LDLRAD4: variants seen among roughly 807,000 people sequenced by gnomAD.
LDLRAD4 encodes low density lipoprotein receptor class A domain containing 4.
A neutral mutation model predicts 17.0 loss-of-function variants in LDLRAD4; 5 were observed. That is an observed-to-expected ratio of 0.29 (90% CI 0.15 to 0.62). The LOEUF is 0.62. Ranked by LOEUF, LDLRAD4 falls within the 20% of genes least tolerant of loss-of-function variation. LDLRAD4 has a pLI of 0.84. For missense variants in LDLRAD4, 340 were observed against 424.7 expected (o/e 0.80, Z 1.75); for synonymous variants, 168 against 171.8 (o/e 0.98, Z 0.17).
intron 1 of LDLRAD4, among the ~76,000 whole-genome samples, chr18:13,346,537 A>C (rs2082699395): frequency 6.6e-6 from 1 of 151,934 alleles, no homozygotes; most frequent in African/African-American, 2.4e-5. Flanking sequence ...GTGGTGCTGA[A>C]AAGAATGTAT....
At chr18:13,453,812 G>C (rs1189314311) in intron 3 of LDLRAD4, among the ~76,000 whole-genome samples, 3 of 152,196 alleles carry the variant, frequency 2.0e-5, no homozygotes, top group Non-Finnish European at 4.4e-5. Context: ...CCCGTCCCCA[G>C]TACTGCTGTG....
intron 1 of LDLRAD4, among the ~76,000 whole-genome samples, chr18:13,248,791 A>G (rs1300182016): frequency 6.6e-6 from 1 of 152,182 alleles, no homozygotes; most frequent in Non-Finnish European, 1.5e-5. Flanking sequence ...GCTAATTGAA[A>G]TTGTATATTA....
chr18:13,527,701 T>G (rs1176519424), intron 3 of LDLRAD4, among the ~76,000 whole-genome samples: 3 of 151,740 alleles, frequency 2.0e-5, no homozygotes, highest in African/African-American at 7.3e-5. Flanking sequence ...CGAGGCAGAG[T>G]GTGAGAGCAA....
intron 3 of LDLRAD4, chr18:13,521,238 T>C (rs2093948794): frequency 6.6e-6 from 1 of 152,234 alleles, no homozygotes; most frequent in African/African-American, 2.4e-5. Flanking sequence ...TATGAGGACC[T>C]GAACACTTGG....
chr18:13,565,963 C>G (rs2094595759), intron 3 of LDLRAD4, among the ~76,000 whole-genome samples: 1 of 152,248 alleles, frequency 6.6e-6, no homozygotes, highest in African/African-American at 2.4e-5. Flanking sequence ...CGAGCTGCTG[C>G]TCCAAGGCAC....
At chr18:13,231,377 G>T (rs1248652818) in intron 1 of LDLRAD4, among the ~76,000 whole-genome samples, 1 of 152,296 alleles carries the variant, frequency 6.6e-6, no homozygotes, top group South Asian at 2.1e-4. Flanking sequence ...TGAGCATGTC[G>T]GGTGGCCCTT....
chr18:13,431,091 G>T (rs187810757), intron 2 of LDLRAD4, among the ~76,000 whole-genome samples: 1 of 152,094 alleles, frequency 6.6e-6, no homozygotes, highest in Admixed American at 6.5e-5. Context: ...GGTTTTCAGA[G>T]ATTTTCCCTG....
chr18:13,466,825 G>C (rs925723098), intron 3 of LDLRAD4, among the ~76,000 whole-genome samples: 3 of 152,136 alleles, frequency 2.0e-5, no homozygotes, highest in Admixed American at 1.3e-4. Flanking sequence ...GAACATTCTT[G>C]TTATATCTTC....
At chr18:13,328,265 C>T (rs1034890427) in intron 1 of LDLRAD4, among the ~76,000 whole-genome samples, 28 of 152,260 alleles carry the variant, frequency 1.8e-4, no homozygotes, top group African/African-American at 6.8e-4. Flanking sequence ...ATCCTTGGAT[C>T]ATGCTCATGC....
chr18:13,384,998 C>T (rs976198498), intron 1 of LDLRAD4, among the ~76,000 whole-genome samples: 2 of 152,216 alleles, frequency 1.3e-5, no homozygotes, highest in East Asian at 1.9e-4. Context: ...TGGATATGTA[C>T]TCAGCAGTGG....
chr18:13,568,469 G>A (rs1486650997), intron 3 of LDLRAD4, among the ~76,000 whole-genome samples: 1 of 152,124 alleles, frequency 6.6e-6, no homozygotes, highest in African/African-American at 2.4e-5. Context: ...CTCCAGCCAG[G>A]ACACTCACAC....
chr18:13,429,593 C>A (rs1057270924), intron 2 of LDLRAD4, among the ~76,000 whole-genome samples: 1 of 152,230 alleles, frequency 6.6e-6, no homozygotes, highest in Non-Finnish European at 1.5e-5. Flanking sequence ...TTTTCAAAAT[C>A]CCTGTCTTAA....
chr18:13,298,439 C>T (rs1307292766), intron 1 of LDLRAD4, among the ~76,000 whole-genome samples: 1 of 135,450 alleles, frequency 7.4e-6, no homozygotes, highest in Non-Finnish European at 1.6e-5. Flanking sequence ...TGGAGCTGCT[C>T]CGGGCACGGC....
intron 3 of LDLRAD4, among the ~76,000 whole-genome samples, chr18:13,594,289 T>C (rs1000367093): frequency 7.2e-5 from 11 of 152,168 alleles, no homozygotes; most frequent in African/African-American, 2.7e-4. Context: ...TGCCACTGTC[T>C]GCCACTGTAG....
chr18:13,641,699 C>G, intron 4 of LDLRAD4: 1 of 962,808 alleles, frequency 1.0e-6, no homozygotes, highest in Non-Finnish European at 1.2e-6. Context: ...TCCGGGCTGG[C>G]GGGGCCGCCA....
chr18:13,451,360 A>G (rs2091825783), intron 3 of LDLRAD4, among the ~76,000 whole-genome samples: 1 of 152,024 alleles, frequency 6.6e-6, no homozygotes, highest in Non-Finnish European at 1.5e-5. Context: ...AGTTCTCACA[A>G]GGTCTGGTTG....
At chr18:13,327,912 T>C (rs2081621683) in intron 1 of LDLRAD4, among the ~76,000 whole-genome samples, 1 of 151,898 alleles carries the variant, frequency 6.6e-6, no homozygotes, top group African/African-American at 2.4e-5. Context: ...AATCCTAAGC[T>C]CCCAGCCAAA....
intron 3 of LDLRAD4, among the ~76,000 whole-genome samples, chr18:13,474,291 G>A (rs1016812337): frequency 2.0e-5 from 3 of 152,082 alleles, no homozygotes; most frequent in Non-Finnish European, 4.4e-5. Context: ...TAATACAGCC[G>A]CTAAGCCGTG....
intron 3 of LDLRAD4, among the ~76,000 whole-genome samples, chr18:13,472,976 TATC>T (rs1423563879): frequency 6.6e-6 from 1 of 152,190 alleles, no homozygotes; most frequent in Non-Finnish European, 1.5e-5. Flanking sequence ...AGTATGTCAT[TATC>T]ATTCTCTGAA....
Sources: gnomAD v4.1 joint callset for allele counts (sites outside exome capture counted in the v4.1 genomes callset) on GRCh38, gnomAD v4.1.1 for gene constraint, MANE v1.5 for transcripts, NCBI Gene and HGNC (gene_info 2026-07-23, HGNC 2026-07-21) for gene names.